The following RARB variants were observed in gnomAD, a reference collection of about 807,000 sequenced individuals.
RARB encodes the protein HBV-activated protein.
Under a neutral mutation model 51.9 loss-of-function variants are expected in RARB, and 17 were observed. That is an observed-to-expected ratio of 0.33 (90% confidence interval 0.22 to 0.49). RARB has a LOEUF of 0.49. RARB is among the 20% of genes least tolerant of loss of function. The pLI is 0.99. For synonymous variants in RARB, 215 were observed against 195.4 expected (o/e 1.10, Z -0.84); for missense variants, 369 against 550.8 (o/e 0.67, Z 3.30).
intron 3 of RARB, among the ~76,000 whole-genome samples, chr3:25,536,839 G>GT (rs1699162264): frequency 6.6e-6 from 1 of 152,184 alleles, no homozygotes; most frequent in African/African-American, 2.4e-5. Context: ...GAAAGTCACT[G>GT]TGACATAGGA....
At chr3:25,217,502 C>T (rs113481619) in intron 5 of RARB, among the ~76,000 whole-genome samples, 7 of 152,028 alleles carry the variant, frequency 4.6e-5, no homozygotes, top group Non-Finnish European at 1.0e-4. Flanking sequence ...TCCCACCCCC[C>T]CCAATTCTGA....
chr3:24,896,551 G>A (rs956909120), intron 2 of RARB, among the ~76,000 whole-genome samples: 2 of 152,142 alleles, frequency 1.3e-5, no homozygotes, highest in Non-Finnish European at 2.9e-5. Flanking sequence ...CAGCCACCGC[G>A]CCTGGCCCTG....
chr3:25,272,373 C>T (rs1040346599), intron 5 of RARB, among the ~76,000 whole-genome samples: 1 of 152,156 alleles, frequency 6.6e-6, no homozygotes, highest in Non-Finnish European at 1.5e-5. Context: ...GCCTGCCAAA[C>T]AAAGTCTTGT....
At chr3:24,932,217 A>C (rs994306058) in intron 2 of RARB, among the ~76,000 whole-genome samples, 1 of 152,062 alleles carries the variant, frequency 6.6e-6, no homozygotes, top group Non-Finnish European at 1.5e-5. Context: ...CTTGATCTAT[A>C]GGGCAAGCAG....
intron 5 of RARB, among the ~76,000 whole-genome samples, chr3:25,284,122 G>A (rs895458289): frequency 1.3e-5 from 2 of 152,176 alleles, no homozygotes; most frequent in Non-Finnish European, 2.9e-5. Context: ...AAGCCCACAT[G>A]GAAATGAGTT....
intron 2 of RARB, among the ~76,000 whole-genome samples, chr3:25,019,450 T>TA (rs765615201): frequency 6.6e-5 from 10 of 152,110 alleles, no homozygotes; most frequent in Admixed American, 1.3e-4. Context: ...ATCCAGTTTT[T>TA]ATCTATGAGA....
intron 5 of RARB, among the ~76,000 whole-genome samples, chr3:25,224,093 T>G (rs930149719): frequency 5.5e-4 from 84 of 152,312 alleles, no homozygotes; most frequent in South Asian, 8.3e-4. Flanking sequence ...ATGTCCTCAT[T>G]TTGACAGAAG....
chr3:25,021,524 G>GGT (rs1697636109), intron 2 of RARB, among the ~76,000 whole-genome samples: 1 of 152,092 alleles, frequency 6.6e-6, no homozygotes, highest in Non-Finnish European at 1.5e-5. Flanking sequence ...GAGAAGCAGA[G>GGT]GTAGAGTCCT....
chr3:25,467,375 T>C (rs1159671709), intron 2 of RARB, among the ~76,000 whole-genome samples: 1 of 152,376 alleles, frequency 6.6e-6, no homozygotes, highest in South Asian at 2.1e-4. Flanking sequence ...TAGGACGGTC[T>C]CACTCACATG....
intron 2 of RARB, among the ~76,000 whole-genome samples, chr3:24,898,668 T>C (rs1703530263): frequency 6.6e-6 from 1 of 152,200 alleles, no homozygotes; most frequent in Admixed American, 6.5e-5. Flanking sequence ...AGTACATAGA[T>C]TTCTTATTCT....
At chr3:25,465,726 G>C (rs1225515622) in intron 2 of RARB, among the ~76,000 whole-genome samples, 2 of 152,152 alleles carry the variant, frequency 1.3e-5, no homozygotes, top group African/African-American at 2.4e-5. Flanking sequence ...GGGGTTTCCA[G>C]GTGAGCGATG....
chr3:25,547,526 C>A (rs530770275), intron 3 of RARB, among the ~76,000 whole-genome samples: 5 of 152,148 alleles, frequency 3.3e-5, no homozygotes, highest in Admixed American at 1.3e-4. Context: ...AATTATTGGG[C>A]GGTCATTGCT....
chr3:25,381,347 C>G (rs555313812), intron 5 of RARB, among the ~76,000 whole-genome samples: 171 of 152,314 alleles, frequency 1.1e-3, no homozygotes, highest in African/African-American at 3.9e-3. Context: ...AGTACAGTGG[C>G]TGTAGACTCT....
chr3:25,128,701 C>T (rs555895351), intron 3 of RARB, among the ~76,000 whole-genome samples: 1 of 151,698 alleles, frequency 6.6e-6, no homozygotes, highest in Admixed American at 6.6e-5. Flanking sequence ...TACAAGGAGG[C>T]ATGCCCTGTT....
At chr3:25,276,930 T>C (rs911771428) in intron 5 of RARB, among the ~76,000 whole-genome samples, 2 of 152,164 alleles carry the variant, frequency 1.3e-5, no homozygotes, top group Non-Finnish European at 2.9e-5. Flanking sequence ...CTAGGACTGG[T>C]CATCTTATCT....
At chr3:24,953,736 G>A (rs1037669185) in intron 2 of RARB, among the ~76,000 whole-genome samples, 1 of 152,068 alleles carries the variant, frequency 6.6e-6, no homozygotes, top group South Asian at 2.1e-4. Context: ...ATCAAAAATA[G>A]AACTCTCTTT....
chr3:24,997,601 T>G (rs1559427402), intron 2 of RARB, among the ~76,000 whole-genome samples: 1 of 152,142 alleles, frequency 6.6e-6, no homozygotes, highest in Non-Finnish European at 1.5e-5. Flanking sequence ...GCCAGGCTGG[T>G]CTCGAATTCT....
At chr3:24,857,887 C>T (rs1379064664) in intron 1 of RARB, among the ~76,000 whole-genome samples, 3 of 152,202 alleles carry the variant, frequency 2.0e-5, no homozygotes, top group African/African-American at 7.2e-5. Flanking sequence ...TATTATGCCA[C>T]TGCACTCCAG....
intron 2 of RARB, among the ~76,000 whole-genome samples, chr3:24,872,667 C>G (rs1702969796): frequency 6.6e-6 from 1 of 152,056 alleles, no homozygotes; most frequent in Admixed American, 6.6e-5. Flanking sequence ...GTGAGAACTT[C>G]CTCATTACCA....
Sources: allele counts gnomAD v4.1 joint callset (sites outside exome capture counted in the v4.1 genomes callset), GRCh38; gene constraint gnomAD v4.1.1; transcripts MANE v1.5; gene names NCBI Gene and HGNC (gene_info 2026-07-23, HGNC 2026-07-21).